Variants in CDH22 observed in about 807,000 individuals in gnomAD.
The protein encoded by CDH22 is cadherin 22.
Under a neutral mutation model 58.4 loss-of-function variants are expected in CDH22, and 30 were observed. The observed-to-expected ratio is 0.51, with a 90% CI of 0.38 to 0.70. The LOEUF is 0.70. CDH22 is among the 30% of genes least tolerant of loss of function. The pLI is 0.00. For synonymous variants in CDH22, 513 were observed against 558.2 expected, an observed-to-expected ratio of 0.92 and a Z score of 1.14; for missense variants, 1,014 against 1,233.9, an observed-to-expected ratio of 0.82 and a Z score of 2.67.
intron 2 of CDH22, among the ~76,000 whole-genome samples, chr20:46,245,109 TA>T (rs1387769427): frequency 6.6e-6 from 1 of 152,134 alleles, no homozygotes; most frequent in African/African-American, 2.4e-5. Flanking sequence ...CAATATAGAT[TA>T]GTTCCCTCTC....
At chr20:46,199,951 C>CTCTTTCT (rs2085943739) in intron 7 of CDH22, among the ~76,000 whole-genome samples, 1 of 49,872 alleles carries the variant, frequency 2.0e-5, no homozygotes, top group Non-Finnish European at 4.1e-5. Context: ...CCTTCTTTTT[C>CTCTTTCT]TTTTTTGTTT....
intron 7 of CDH22, among the ~76,000 whole-genome samples, chr20:46,208,781 C>T (rs1378457946): frequency 2.0e-5 from 3 of 152,092 alleles, no homozygotes; most frequent in African/African-American, 4.8e-5. Context: ...TTAGTAGAGA[C>T]GGGGTTTCAC....
chr20:46,299,368 T>A (rs1271776296), intron 1 of CDH22, among the ~76,000 whole-genome samples: 2 of 151,980 alleles, frequency 1.3e-5, no homozygotes. Flanking sequence ...CCAGACAGAG[T>A]CAAGCGCATC....
At chr20:46,199,301 T>A in intron 8 of CDH22, 122 bp downstream of exon 8, 1 of 1,184,914 alleles carries the variant, frequency 8.4e-7, no homozygotes, top group Non-Finnish European at 1.2e-6. Context: ...CTTTGGCCCC[T>A]CCCCCGTGGG....
intron 1 of CDH22, among the ~76,000 whole-genome samples, chr20:46,263,117 C>CT: frequency 6.6e-6 from 1 of 152,208 alleles, no homozygotes; most frequent in Non-Finnish European, 1.5e-5. Flanking sequence ...GTGCTTCATT[C>CT]TTGCTCTCTG....
intron 1 of CDH22, among the ~76,000 whole-genome samples, chr20:46,255,026 A>G (rs1444618619): frequency 6.6e-6 from 1 of 152,012 alleles, no homozygotes; most frequent in Admixed American, 6.6e-5. Flanking sequence ...TTAAAATTTT[A>G]TTTATTTATT....
At chr20:46,181,816 TCTTTCTTC>T (rs376478437) in intron 10 of CDH22, among the ~76,000 whole-genome samples, 156 of 138,704 alleles carry the variant, frequency 1.1e-3, no homozygotes, top group African/African-American at 4.0e-3. Context: ...CTCTTTCCTT[TCTTTCTTC>T]CTTTCTTCCT....
At position 46,183,274 on chromosome 20, in the gene CDH22, C is replaced by T. The variant is rs189968866; in HGVS notation, c.1663+3314G>A. Among the ~76,000 whole-genome samples, 71 of 152,316 alleles carry T rather than the reference C, an allele frequency of 4.7e-4. 1 individual carries two copies. Among genetic ancestry groups the T allele is most frequent in the South Asian group, 1.2e-3 (6 of 4,816 alleles). Reference sequence around the variant, plus strand: ...TGCCTCAGCCTTTTCCCCAGGCAGCCTCCCAACTTTGACACAATCAAGCCA... The same window carrying T: ...TGCCTCAGCCTTTTCCCCAGGCAGCTTCCCAACTTTGACACAATCAAGCCA... On this transcript the variant is annotated intron_variant, in intron 10 of 11. Transcript: ENST00000537909.
At chr20:46,263,406 C>CTGTGTGTGTGTG (rs3081942) in intron 1 of CDH22, among the ~76,000 whole-genome samples, 165 of 150,488 alleles carry the variant, frequency 1.1e-3, no homozygotes, top group South Asian at 4.0e-3. Flanking sequence ...GCCTTCCATT[C>CTGTGTGTGTGTG]TGTGTGTGTG....
chr20:46,254,143 G>T (rs191098609), intron 1 of CDH22, among the ~76,000 whole-genome samples: 2 of 152,132 alleles, frequency 1.3e-5, no homozygotes, highest in Non-Finnish European at 2.9e-5. Context: ...GTTATTCAGC[G>T]ATCTATCAGC....
At chr20:46,223,633 CTT>C (rs1568664016) in intron 4 of CDH22, among the ~76,000 whole-genome samples, 42 of 143,792 alleles carry the variant, frequency 2.9e-4, no homozygotes, top group African/African-American at 1.2e-3. Context: ...TTTCTTTTTT[CTT>C]TCTTTCTTTC....
At chr20:46,307,080 T>A (rs1445522409) in intron 1 of CDH22, among the ~76,000 whole-genome samples, 1 of 152,138 alleles carries the variant, frequency 6.6e-6, no homozygotes, top group African/African-American at 2.4e-5. Flanking sequence ...CCCAGAAACC[T>A]GGGGAGTGCT....
At chr20:46,276,954 A>G (rs2086521409) in intron 1 of CDH22, among the ~76,000 whole-genome samples, 1 of 152,254 alleles carries the variant, frequency 6.6e-6, no homozygotes, top group Admixed American at 6.5e-5. Context: ...AAGACCCCAC[A>G]GGGTGGCTGA....
At chr20:46,289,177 G>A (rs142509480) in intron 1 of CDH22, among the ~76,000 whole-genome samples, 8 of 152,048 alleles carry the variant, frequency 5.3e-5, no homozygotes, top group Non-Finnish European at 7.4e-5. Context: ...GAACACCCTC[G>A]CCCCTGATGT....
In CDH22 at chr20:46,216,055, C is replaced by T. The variant is rs1452551782; in HGVS notation, c.838+771G>A. On this transcript the variant is annotated intron_variant, in intron 5 of 11. Transcript: ENST00000537909. The surrounding 1 kb of genome is among the most constrained non-coding windows in gnomAD (Gnocchi z 5.3). Reference sequence around the variant, plus strand: ...GGGGGTCAGTCCCCTGTGGCGGGGCCTAATGTGAGAGCAGCAGACCTCAAG... The same window carrying T: ...GGGGGTCAGTCCCCTGTGGCGGGGCTTAATGTGAGAGCAGCAGACCTCAAG... Among the ~76,000 whole-genome samples, 1 of 152,140 alleles carries T rather than the reference C, an allele frequency of 6.6e-6. No individual in the cohort carries two copies. The highest frequency in any genetic ancestry group is 1.9e-4 in the East Asian group (1 of 5,184).
At chr20:46,217,308 A>T (rs972797908) in intron 4 of CDH22, among the ~76,000 whole-genome samples, 50 of 152,168 alleles carry the variant, frequency 3.3e-4, no homozygotes, top group African/African-American at 1.2e-3. Context: ...ACATACACAC[A>T]TGATCACACA....
rs565336676 is a variant in CDH22, at chr20:46,182,151, G to A, written c.1664-3954C>T. Among the ~76,000 whole-genome samples the A allele has an allele frequency of 4.6e-5, 7 of 152,264 alleles. No individual in the cohort carries two copies. In the South Asian group the frequency reaches 1.5e-3, roughly 32 times the overall value. On this transcript the variant is annotated intron_variant, in intron 10 of 11. Coordinates refer to ENST00000537909, the MANE Select transcript of CDH22 (RefSeq NM_021248.3). Reference sequence around the variant, plus strand: ...GATAATTTTCTTAAAAGCAACAGGAGGCCATTGATTGGTGGGCTTTAAGCA... The same window carrying A: ...GATAATTTTCTTAAAAGCAACAGGAAGCCATTGATTGGTGGGCTTTAAGCA...
rs764643492 is a variant in CDH22, at chr20:46,186,847, G to A, written c.1524C>T (p.Cys508=). 4 of 1,608,736 alleles carry A rather than the reference G, an allele frequency of 2.5e-6. No individual in the cohort carries two copies. Among genetic ancestry groups the A allele is most frequent in the East Asian group, 2.2e-5 (1 of 44,814 alleles). The change falls in exon 9 of 12, where the codon TGC becomes TGT. Residue 508 remains cysteine, a synonymous_variant. Transcript: ENST00000537909. ...ELATPYEAAV[C]EDAKPGQLIQ... ...GTACCTGGCCTGGCTTGGCATCCTC[G>A]CATACAGCTGCCTCGTAGGGTGTGG... is the stretch of plus-strand genomic sequence containing the variant.
intron 4 of CDH22, among the ~76,000 whole-genome samples, chr20:46,217,748 A>AAC (rs1465691455): frequency 6.6e-6 from 1 of 151,710 alleles, no homozygotes; most frequent in African/African-American, 2.4e-5. Context: ...CAAACACACA[A>AAC]ACAGATACAC....
Sources: gnomAD v4.1 joint callset for allele counts (sites outside exome capture counted in the v4.1 genomes callset) on GRCh38, gnomAD v4.1.1 for gene constraint, Gnocchi (gnomAD v3.1) non-coding constraint, MANE v1.5 for transcripts, NCBI Gene and HGNC (gene_info 2026-07-23, HGNC 2026-07-21) for gene names.